Variants in ZNF141 observed in about 807,000 individuals in gnomAD.
ZNF141 encodes zinc finger protein 141 (clone pHZ-44).
In ZNF141, 7 loss-of-function variants were observed where a neutral mutation model predicts 11.3. The observed-to-expected ratio is 0.62, with a 90% CI of 0.35 to 1.16. The LOEUF is 1.16. ZNF141 is among the 50% of genes most tolerant of loss of function. ZNF141 has a pLI of 0.02. For missense variants in ZNF141, 535 were observed against 554.0 expected (o/e 0.97, Z 0.34); for synonymous variants, 183 against 190.7 (o/e 0.96, Z 0.33).
Position 380,993 on chromosome 4 carries a change from C to T in ZNF141, c.*7131C>T, listed in dbSNP as rs1186162193. 6.6e-6 allele frequency among the ~76,000 whole-genome samples: 1 copy of T among 152,144 alleles called. No homozygotes were observed. Among genetic ancestry groups the T allele is most frequent in the East Asian group, 1.9e-4 (1 of 5,192 alleles). On this transcript the variant is annotated 3_prime_UTR_variant, in exon 4 of 4. Coordinates refer to ENST00000240499, the MANE Select transcript of ZNF141 (RefSeq NM_003441.4). The stretch of plus-strand genomic sequence containing the variant: ...CCTTCGATACTGACGTACTTGGGAA[C>T]AGCTTTCCTTTCAACTGTCCTTCAC...
intron 3 of ZNF141, among the ~76,000 whole-genome samples, chr4:344,665 G>T (rs1306982471): frequency 6.6e-6 from 1 of 152,056 alleles, no homozygotes; most frequent in African/African-American, 2.4e-5. Context: ...ATGGTGGTGC[G>T]CACCTGGAGT....
At position 380,477 on chromosome 4, in the gene ZNF141, C is replaced by T. The variant is rs1309839289; in HGVS notation, c.*6615C>T. On this transcript the variant is annotated 3_prime_UTR_variant, in exon 4 of 4. Coordinates refer to ENST00000240499, the MANE Select transcript of ZNF141 (RefSeq NM_003441.4). The stretch of plus-strand genomic sequence containing the variant: ...GACCAGTCTGGCCAACATGGTGAAA[C>T]CCCGTCTCTACTACAAATATAAAAA... Among the ~76,000 whole-genome samples the T allele has an allele frequency of 5.9e-5, 9 of 151,986 alleles. No homozygotes were observed. The highest frequency in any genetic ancestry group is 2.2e-4 in the African/African-American group (9 of 41,378).
Position 375,262 on chromosome 4 carries a change from A to G in ZNF141, c.*1400A>G, listed in dbSNP as rs935483407. ...TATTCTTAAGACAAACAATACAAAT[A>G]TAAAGAGGGTTGTAGTACCTGTACT... On this transcript the variant is annotated 3_prime_UTR_variant, in exon 4 of 4. Coordinates refer to ENST00000240499, the MANE Select transcript of ZNF141 (RefSeq NM_003441.4). 6.6e-6 allele frequency: 1 copy of G among 152,128 alleles called. No homozygotes were observed. The highest frequency in any genetic ancestry group is 1.5e-5 in the Non-Finnish European group (1 of 67,974). The allele number at this position is 152,128 out of a possible 1,614,324, so 9.4% of individuals were successfully genotyped here. A position where few individuals can be genotyped will look rare whatever the true frequency, so the allele number is the denominator to read the frequency against.
At chr4:368,786 T>C (rs984823869) in intron 3 of ZNF141, among the ~76,000 whole-genome samples, 1 of 152,240 alleles carries the variant, frequency 6.6e-6, no homozygotes, top group Non-Finnish European at 1.5e-5. Context: ...TTGTATGTTT[T>C]TTGAAATCAA....
At chr4:350,182 C>T (rs1171171247) in intron 3 of ZNF141, 3 of 534,650 alleles carry the variant, frequency 5.6e-6, no homozygotes, top group African/African-American at 1.9e-5. Flanking sequence ...GCTCAGTGTG[C>T]CATTTCCTTG....
chr4:354,200 C>T (rs1349599795), intron 3 of ZNF141, among the ~76,000 whole-genome samples: 1 of 152,162 alleles, frequency 6.6e-6, no homozygotes, highest in African/African-American at 2.4e-5. Context: ...AGAGCACTAA[C>T]CAGTCCTTTT....
intron 3 of ZNF141, among the ~76,000 whole-genome samples, chr4:368,550 A>T (rs1553853155): frequency 6.6e-6 from 1 of 152,216 alleles, no homozygotes; most frequent in Non-Finnish European, 1.5e-5. Context: ...CCAATCGGCC[A>T]ATGTTTCATT....
rs908728068 is a variant in ZNF141 at position 373,737 on chromosome 4, C to T, written c.1300C>T (p.Gln434Ter). The change falls in exon 4 of 4, where the codon CAA becomes TAA. Residue 434 changes from glutamine (Q) to a stop codon, truncating the protein, a stop_gained. Coordinates refer to ENST00000240499, the MANE Select transcript of ZNF141 (RefSeq NM_003441.4). LOFTEE classifies it low-confidence loss of function (END_TRUNC). Reference sequence around the variant, plus strand: ...TAAAGAATGTGACAAAGCCTTTAAACAATTTTCGCTCCTGAGTCAACATAA... The same window carrying T: ...TAAAGAATGTGACAAAGCCTTTAAATAATTTTCGCTCCTGAGTCAACATAA... ...KCKECDKAFK[Q>*]FSLLSQHKKI... 5.6e-6 allele frequency: 9 copies of T among 1,614,084 alleles called. No individual in the cohort carries two copies. The highest frequency in any genetic ancestry group is 7.6e-6 in the Non-Finnish European group (9 of 1,179,986).
Position 381,133 on chromosome 4 carries a change from A to T in ZNF141, c.*7271A>T, listed in dbSNP as rs143467443. On this transcript the variant is annotated 3_prime_UTR_variant, in exon 4 of 4. Transcript: ENST00000240499. ...CTACAAACTCACATAGTACATTATG[A>T]CTTTATTACTGTTATAATACAAATT... is the stretch of plus-strand genomic sequence containing the variant. Among the ~76,000 whole-genome samples the T allele has an allele frequency of 0.013, 2,011 of 152,228 alleles. 31 individuals carry two copies. The highest frequency in any genetic ancestry group is 0.087 in the South Asian group (419 of 4,824).
intron 3 of ZNF141, among the ~76,000 whole-genome samples, chr4:364,208 A>T (rs1366942324): frequency 6.6e-6 from 1 of 152,196 alleles, no homozygotes; most frequent in Admixed American, 6.5e-5. Flanking sequence ...GGCCTCATAA[A>T]ATGAGTTAGG....
In ZNF141 at chr4:377,799, G is replaced by T. The variant is rs782776164; in HGVS notation, c.*3937G>T. On this transcript the variant is annotated 3_prime_UTR_variant, in exon 4 of 4. Coordinates refer to ENST00000240499, the MANE Select transcript of ZNF141 (RefSeq NM_003441.4). ...AATAAGTAAAACATTAATATAAGTG[G>T]GTTGTATATTGTACCACCATATGAA... Among the ~76,000 whole-genome samples, 4 of 152,084 alleles carry T rather than the reference G, an allele frequency of 2.6e-5. No homozygotes were observed. In the South Asian group the frequency reaches 8.3e-4, roughly 32 times the overall value.
Position 374,055 on chromosome 4 carries a change from T to C in ZNF141, c.*193T>C, listed in dbSNP as rs1272592437. 1.1e-5 allele frequency: 7 copies of C among 627,044 alleles called. No individual in the cohort carries two copies. The highest frequency in any genetic ancestry group is 2.0e-5 in the Non-Finnish European group (7 of 357,530). The allele number at this position is 627,044 out of a possible 1,614,324, so 38.8% of individuals were successfully genotyped here. A position where few individuals can be genotyped will look rare whatever the true frequency, so the allele number is the denominator to read the frequency against. ...AGAGAAACTGTACAAATGTGAAGAA[T>C]ATGGCAAAGCCTGTGAATGGTCCAC... On this transcript the variant is annotated 3_prime_UTR_variant, in exon 4 of 4. Transcript: ENST00000240499.
chr4:349,454 T>C (rs1002230947), intron 3 of ZNF141, among the ~76,000 whole-genome samples: 4 of 152,252 alleles, frequency 2.6e-5, no homozygotes, highest in Non-Finnish European at 5.9e-5. Flanking sequence ...TTATTCTCCT[T>C]TTCCTTGTCT....
Position 383,037 on chromosome 4 carries a change from G to A in ZNF141, c.*9175G>A. The A allele has an allele frequency of 1.6e-6, 1 of 619,056 alleles. No individual in the cohort carries two copies. The highest frequency in any genetic ancestry group is 2.9e-6 in the Non-Finnish European group (1 of 349,322). 38.3% of individuals were successfully genotyped at this position (619,056 alleles called of 1,614,324 possible). The stretch of plus-strand genomic sequence containing the variant: ...CTCTTGACTTATCTGCACTGGCACA[G>A]GGTGCCAGTTTGGGGCCCAGGTTTA... On this transcript the variant is annotated 3_prime_UTR_variant, in exon 4 of 4. Transcript: ENST00000240499.
At chr4:357,704 T>C (rs1398873920) in intron 3 of ZNF141, among the ~76,000 whole-genome samples, 2 of 150,480 alleles carry the variant, frequency 1.3e-5, no homozygotes, top group South Asian at 2.1e-4. Context: ...TTTTTTCTTT[T>C]TTCTTTTTTT....
Position 374,474 on chromosome 4 carries a change from CA to C in ZNF141, c.*615del. On this transcript the variant is annotated 3_prime_UTR_variant, in exon 4 of 4. Coordinates refer to ENST00000240499, the MANE Select transcript of ZNF141 (RefSeq NM_003441.4). The stretch of plus-strand genomic sequence containing the variant: ...AACCCTACACATGTAAAGAATGTGG[CA>C]AAGCCTTCAATAGGTTCTCAACCCT... The C allele has an allele frequency of 3.2e-6, 1 of 307,924 alleles. No individual in the cohort carries two copies. Among genetic ancestry groups the C allele is most frequent in the Admixed American group, 3.5e-5 (1 of 28,296 alleles). 19.1% of individuals were successfully genotyped at this position (307,924 alleles called of 1,614,324 possible). A position where few individuals can be genotyped will look rare whatever the true frequency, so the allele number is the denominator to read the frequency against.
At chr4:372,515 C>T in intron 3 of ZNF141, 149 bp from the exon 4 acceptor site, 1 of 607,270 alleles carries the variant, frequency 1.6e-6, no homozygotes, top group Non-Finnish European at 2.5e-6. Context: ...TATATGTTTG[C>T]TACATGTATA....
chr4:342,875 G>A (rs1202487831), intron 1 of ZNF141: 10 of 1,608,056 alleles, frequency 6.2e-6, no homozygotes, highest in Non-Finnish European at 8.5e-6. Flanking sequence ...GTGACCTGAA[G>A]GTTGAACAGA....
In ZNF141 at chr4:373,544, T is replaced by C; in HGVS notation, c.1107T>C (p.Cys369=). 1 of 1,613,868 alleles carries C rather than the reference T, an allele frequency of 6.2e-7. No homozygotes were observed. Among genetic ancestry groups the C allele is most frequent in the Non-Finnish European group, 8.5e-7 (1 of 1,179,900 alleles). ...ATACTGGAGAGCGGCCCTACAAATG[T>C]GATGAATGTGGCAAAGCCTTTGGAC... ...KVHTGERPYK[C]DECGKAFGRS... Residue 369 remains cysteine (C), a synonymous_variant, in exon 4 of 4, where the codon TGT becomes TGC. Transcript: ENST00000240499.
Sources: gnomAD v4.1 joint callset for allele counts (sites outside exome capture counted in the v4.1 genomes callset) on GRCh38, gnomAD v4.1.1 for gene constraint, MANE v1.5 for transcripts, NCBI Gene and HGNC (gene_info 2026-07-23, HGNC 2026-07-21) for gene names.